ATAD2B: variants seen among roughly 807,000 people sequenced by gnomAD.
The protein encoded by ATAD2B is ATPase family AAA domain containing 2B.
Under a neutral mutation model 167.6 loss-of-function variants are expected in ATAD2B, and 40 were observed. The observed-to-expected ratio is 0.24, with a 90% confidence interval of 0.19 to 0.31. The LOEUF is 0.31. Among genes scored for constraint, ATAD2B ranks in the 10% least tolerant of loss-of-function variants. ATAD2B has a pLI of 1.00. For missense variants in ATAD2B, 1,242 were observed against 1,757.2 expected (o/e 0.71, Z 5.24); for synonymous variants, 579 against 596.5 (o/e 0.97, Z 0.43).
chr2:23,926,978 G>A lies in ATAD2B; in HGVS notation c.-208C>T, dbSNP rs1704984110. On this transcript the variant is annotated 5_prime_UTR_variant, in exon 1 of 28. Transcript: ENST00000238789. ...CAGGCGGCGTGCGGGAAGCGGGGGC[G>A]GTGCTGCAGACCGGCAGCACAGACA... The A allele has an allele frequency of 3.5e-6, 2 of 577,946 alleles. No homozygotes were observed. Among genetic ancestry groups the A allele is most frequent in the East Asian group, 3.4e-5 (1 of 29,664 alleles). 35.8% of individuals were successfully genotyped at this position (577,946 alleles called of 1,614,324 possible).
intron 10 of ATAD2B, chr2:23,865,878 GA>G: frequency 4.5e-6 from 2 of 440,004 alleles, no homozygotes; most frequent in Non-Finnish European, 6.0e-6. Flanking sequence ...AGCTTTGTAA[GA>G]AAAAAAGTGT....
At position 23,872,935 on chromosome 2, in the gene ATAD2B, T is replaced by C. The variant is rs564017783; in HGVS notation, c.977+2894A>G. 206 of 760,692 alleles carry C rather than the reference T, an allele frequency of 2.7e-4. 1 individual carries two copies. The highest frequency in any genetic ancestry group is 2.6e-3 in the South Asian group (196 of 74,316). 47.1% of individuals were successfully genotyped at this position (760,692 alleles called of 1,614,324 possible). A position where few individuals can be genotyped will look rare whatever the true frequency, so the allele number is the denominator to read the frequency against. The stretch of plus-strand genomic sequence containing the variant: ...ATGGCCCGCCGGGCTCACATTGGCA[T>C]TGTACCAGTCGCTGAAGCAGTTCTC... On this transcript the variant is annotated intron_variant, in intron 8 of 27. Transcript: ENST00000238789.
the ATAD2B span, among the ~76,000 whole-genome samples, chr2:23,694,742 C>T: frequency 6.6e-6 from 1 of 152,230 alleles, no homozygotes; most frequent in African/African-American, 2.4e-5. Context: ...GAATGTCCAC[C>T]CTCCCATCCA....
Position 23,875,843 on chromosome 2 carries a change from T to C in ATAD2B, c.963A>G (p.Arg321=), listed in dbSNP as rs1317803092. 1 of 1,609,038 alleles carries C rather than the reference T, an allele frequency of 6.2e-7. No homozygotes were observed. Among genetic ancestry groups the C allele is most frequent in the African/African-American group, 1.3e-5 (1 of 75,018 alleles). The stretch of plus-strand genomic sequence containing the variant: ...ACAAACCTTACCTAATATGGCTTCT[T>C]CTTGCTGGAGATCTATGAATATCAA... ...TLFDIHRSPA[R]RSHIRRKKHA... is the part of the protein sequence containing the mutation. The change falls in exon 8 of 28, where the codon AGA becomes AGG. Residue 321 remains arginine (R), a synonymous_variant. Transcript: ENST00000238789.
intron 18 of ATAD2B, among the ~76,000 whole-genome samples, chr2:23,807,901 TATATAA>T (rs1205402793): frequency 9.2e-5 from 11 of 119,818 alleles, no homozygotes; most frequent in South Asian, 2.4e-4. Context: ...TATAATAAAA[TATATAA>T]ATATAAATAT....
At chr2:23,691,897 T>TGTC in the ATAD2B span, 2 of 1,545,250 alleles carry the variant, frequency 1.3e-6, no homozygotes, top group South Asian at 2.4e-5. Context: ...GGGCCACATA[T>TGTC]GTCGCTTGGG....
chr2:23,880,652 T>C lies in ATAD2B; in HGVS notation c.888A>G (p.Gln296=), dbSNP rs1362966594. 1 of 1,600,164 alleles carries C rather than the reference T, an allele frequency of 6.2e-7. No homozygotes were observed. The highest frequency in any genetic ancestry group is 2.2e-5 in the East Asian group (1 of 44,764). ...AGAGTTGCCTACCTATTGGAGGTGC[T>C]TGGTATCGATCCACTGTTTTTCTCT... ...LRQRKTVDRY[Q]APPIVPAHQK... The change falls in exon 7 of 28, where the codon CAA becomes CAG. Residue 296 remains glutamine, a synonymous_variant. Coordinates refer to ENST00000238789, the MANE Select transcript of ATAD2B (RefSeq NM_017552.4).
intron 18 of ATAD2B, among the ~76,000 whole-genome samples, chr2:23,800,851 G>A (rs985564304): frequency 4.6e-5 from 7 of 151,620 alleles, no homozygotes; most frequent in Non-Finnish European, 7.4e-5. Context: ...AAACCTATTG[G>A]GGAAAAAAAT....
chr2:23,736,974 A>G, the ATAD2B span, among the ~76,000 whole-genome samples: 2 of 152,220 alleles, frequency 1.3e-5, no homozygotes, highest in African/African-American at 4.8e-5. Context: ...TCACACTGCA[A>G]GGCAGCAGCG....
Position 23,765,600 on chromosome 2 carries a change from G to C in ATAD2B, c.3162C>G (p.Thr1054=). ...TGATAGCATGTGCAGTGTCCTTCAGGGTACAAGCCCTGTGCCTAATTATTT... is the reference window on the plus strand; with the variant it reads ...TGATAGCATGTGCAGTGTCCTTCAGCGTACAAGCCCTGTGCCTAATTATTT... ...GDKIIRHRAC[T]LKDTAHAIIA... The change falls in exon 23 of 28, where the codon ACC becomes ACG. Residue 1054 remains threonine, a synonymous_variant. Transcript: ENST00000238789. 6.5e-7 allele frequency: 1 copy of C among 1,535,900 alleles called. No homozygotes were observed. Among genetic ancestry groups the C allele is most frequent in the South Asian group, 1.2e-5 (1 of 80,838 alleles).
At chr2:23,852,816 G>A (rs1187483675) in intron 13 of ATAD2B, among the ~76,000 whole-genome samples, 3 of 151,954 alleles carry the variant, frequency 2.0e-5, no homozygotes, top group Non-Finnish European at 4.4e-5. Context: ...GTACTCGGGA[G>A]GCTGAGGCAA....
intron 13 of ATAD2B, among the ~76,000 whole-genome samples, chr2:23,848,844 A>T (rs1389028590): frequency 1.3e-5 from 2 of 152,174 alleles, no homozygotes; most frequent in Non-Finnish European, 2.9e-5. Context: ...TTTGAAGGAA[A>T]TGGTATTTTC....
chr2:23,912,529 A>C (rs1468333124), intron 1 of ATAD2B, among the ~76,000 whole-genome samples: 6 of 152,254 alleles, frequency 3.9e-5, no homozygotes, highest in South Asian at 4.1e-4. Flanking sequence ...AAGGAAAAGA[A>C]ATGCCCAACT....
At chr2:23,895,386 T>TTTAAG (rs1296215249) in intron 2 of ATAD2B, among the ~76,000 whole-genome samples, 3 of 152,028 alleles carry the variant, frequency 2.0e-5, no homozygotes, top group African/African-American at 7.2e-5. Context: ...ACAAAGCAAA[T>TTTAAG]TTAAGTTAAA....
At chr2:23,724,821 A>G in the ATAD2B span, among the ~76,000 whole-genome samples, 1 of 152,154 alleles carries the variant, frequency 6.6e-6, no homozygotes, top group South Asian at 2.1e-4. Context: ...AGGTGGGCGG[A>G]TCACGAGGTC....
At chr2:23,760,390 G>A (rs1380905141) in intron 24 of ATAD2B, among the ~76,000 whole-genome samples, 1 of 152,092 alleles carries the variant, frequency 6.6e-6, no homozygotes, top group Non-Finnish European at 1.5e-5. Flanking sequence ...GCTAGGCATG[G>A]TGGCTCACAC....
intron 1 of ATAD2B, among the ~76,000 whole-genome samples, chr2:23,922,612 A>G (rs577602428): frequency 6.6e-6 from 1 of 151,190 alleles, no homozygotes; most frequent in Non-Finnish European, 1.5e-5. Flanking sequence ...TACAACTCCA[A>G]AGGAAGAAAA....
chr2:23,788,532 G>A lies in ATAD2B; in HGVS notation c.2756C>T (p.Pro919Leu). The A allele has an allele frequency of 6.2e-7, 1 of 1,613,204 alleles. No individual in the cohort carries two copies. Among genetic ancestry groups the A allele is most frequent in the Non-Finnish European group, 8.5e-7 (1 of 1,179,344 alleles). ...ELILNQASMA[P>L]PRRKHAALCA... The stretch of plus-strand genomic sequence containing the variant: ...TTTACCAGCATGTTTCCTTCGTGGT[G>A]GAGCCATTGATGCCTGATTGAGAAT... Residue 919 changes from proline to leucine, a missense_variant, in exon 20 of 28, where the codon CCA (proline) becomes CTA (leucine). Pro to Leu is a moderately conservative substitution (Grantham distance 98, BLOSUM62 -3). Coordinates refer to ENST00000238789, the MANE Select transcript of ATAD2B (RefSeq NM_017552.4).
chr2:23,825,378 CTA>C (rs1231019031), intron 15 of ATAD2B, among the ~76,000 whole-genome samples: 1 of 152,146 alleles, frequency 6.6e-6, no homozygotes, highest in Admixed American at 6.5e-5. Context: ...ATTCAGAAGA[CTA>C]TAAGCAGATT....
Sources: gnomAD v4.1 joint callset for allele counts (sites outside exome capture counted in the v4.1 genomes callset) on GRCh38, gnomAD v4.1.1 for gene constraint, MANE v1.5 for transcripts, NCBI Gene and HGNC (gene_info 2026-07-23, HGNC 2026-07-21) for gene names.